STXBP5: variants seen among roughly 807,000 people sequenced by gnomAD.
STXBP5 encodes syntaxin binding protein 5.
A neutral mutation model predicts 152.4 loss-of-function variants in STXBP5; 50 were observed. The ratio of observed to expected loss-of-function variants is 0.33; its 90% CI spans 0.26 to 0.42. The LOEUF (loss-of-function observed/expected upper bound fraction) is 0.42. Among genes scored for constraint, STXBP5 ranks in the 10% least tolerant of loss-of-function variants. The pLI, the probability that STXBP5 is intolerant of heterozygous loss-of-function variation, is 1.00. For synonymous variants in STXBP5, 492 were observed against 494.7 expected, an observed-to-expected ratio of 0.99 and a Z score of 0.07; for missense variants, 1,167 against 1,388.6, an observed-to-expected ratio of 0.84 and a Z score of 2.54.
chr6:147,334,618 AGTT>A (rs1340840326), intron 19 of STXBP5, among the ~76,000 whole-genome samples: 5 of 152,090 alleles, frequency 3.3e-5, no homozygotes, highest in African/African-American at 1.2e-4. Context: ...ATTATAGACT[AGTT>A]GTATGTATTT....
chr6:147,314,022 C>T lies in STXBP5; in HGVS notation c.1284C>T (p.Tyr428=). 1.3e-6 allele frequency: 2 copies of T among 1,581,080 alleles called. No homozygotes were observed. Among genetic ancestry groups the T allele is most frequent in the Non-Finnish European group, 1.7e-6 (2 of 1,160,128 alleles). ...SVGARQKRQG[Y]SKKEWPINGG... is the part of the protein sequence containing the mutation. The stretch of plus-strand genomic sequence containing the variant: ...GAGCTAGACAGAAACGTCAAGGTTA[C>T]AGCAAAAAGGTATTGAACATGAGCT... The change falls in exon 12 of 28, where the codon TAC becomes TAT. Residue 428 remains tyrosine, a synonymous_variant. Transcript: ENST00000321680.
At chr6:147,282,070 G>T (rs986391232) in intron 8 of STXBP5, among the ~76,000 whole-genome samples, 38 of 152,260 alleles carry the variant, frequency 2.5e-4, no homozygotes, top group African/African-American at 8.4e-4. Context: ...TAATCAAAAT[G>T]GAAGTGAAAT....
intron 9 of STXBP5, among the ~76,000 whole-genome samples, chr6:147,308,697 CACAT>C (rs1160546972): frequency 5.9e-5 from 9 of 152,104 alleles, no homozygotes; most frequent in African/African-American, 1.9e-4. Context: ...TGTACACAAG[CACAT>C]ACATCTATTG....
At chr6:147,267,952 A>G (rs990685583) in intron 7 of STXBP5, among the ~76,000 whole-genome samples, 2 of 152,180 alleles carry the variant, frequency 1.3e-5, no homozygotes, top group African/African-American at 4.8e-5. Context: ...TCACTTCAGT[A>G]AAGAGAACCT....
chr6:147,269,912 A>G (rs1201333235), intron 7 of STXBP5, among the ~76,000 whole-genome samples: 1 of 152,202 alleles, frequency 6.6e-6, no homozygotes, highest in East Asian at 1.9e-4. Context: ...AGCAATGACC[A>G]AAAGTTTCAA....
At chr6:147,354,623 A>C (rs562827104) in intron 22 of STXBP5, among the ~76,000 whole-genome samples, 7 of 152,282 alleles carry the variant, frequency 4.6e-5, no homozygotes. Flanking sequence ...TGTGTATTTT[A>C]GTTTCTTAAA....
At chr6:147,377,133 A>T (rs1346603055) in intron 26 of STXBP5, among the ~76,000 whole-genome samples, 1 of 152,200 alleles carries the variant, frequency 6.6e-6, no homozygotes, top group Non-Finnish European at 1.5e-5. Context: ...AAGAGTTAAA[A>T]TAACTTTAGT....
intron 9 of STXBP5, among the ~76,000 whole-genome samples, chr6:147,306,619 T>C (rs1782108518): frequency 6.6e-6 from 1 of 152,210 alleles, no homozygotes; most frequent in Non-Finnish European, 1.5e-5. Context: ...CATTATCATG[T>C]CCTGGCTTAC....
At chr6:147,247,926 C>T (rs1473376690) in intron 4 of STXBP5, among the ~76,000 whole-genome samples, 3 of 152,046 alleles carry the variant, frequency 2.0e-5, no homozygotes, top group Admixed American at 1.3e-4. Flanking sequence ...TATAAAAAGA[C>T]ATTAAAAGAT....
intron 4 of STXBP5, among the ~76,000 whole-genome samples, chr6:147,247,261 TC>T (rs1778855242): frequency 6.6e-6 from 1 of 152,222 alleles, no homozygotes; most frequent in Admixed American, 6.5e-5. Context: ...AAAATTCGTT[TC>T]TTTGAAAACA....
chr6:147,305,542 AT>A (rs1359794624), intron 9 of STXBP5, among the ~76,000 whole-genome samples: 4 of 152,164 alleles, frequency 2.6e-5, no homozygotes, highest in Admixed American at 2.6e-4. Context: ...ACCTATTTTA[AT>A]TGACATATAA....
At chr6:147,228,025 G>A (rs1419734692) in intron 2 of STXBP5, among the ~76,000 whole-genome samples, 1 of 152,022 alleles carries the variant, frequency 6.6e-6, no homozygotes, top group Non-Finnish European at 1.5e-5. Context: ...ATACCTCCTT[G>A]TTCTTCTCTA....
intron 9 of STXBP5, among the ~76,000 whole-genome samples, chr6:147,300,877 A>T (rs768100699): frequency 6.6e-6 from 1 of 152,056 alleles, no homozygotes; most frequent in Non-Finnish European, 1.5e-5. Context: ...AGTCTACAGA[A>T]TGAGAGAAAA....
At position 147,363,490 on chromosome 6, in the gene STXBP5, G is replaced by A. The variant is rs1205605302; in HGVS notation, c.2701G>A (p.Val901Ile). ...ATTGAAAAAACGGCGGCCTGTCTCA[G>A]TATCCCCCTCCTCTTCTCAGGAAAT... ...EKLKKRRPVSVSPSSSQEISE... is the reference protein window; with the variant it reads ...EKLKKRRPVSISPSSSQEISE... The change falls in exon 24 of 28, where the codon GTA becomes ATA. Residue 901 changes from valine (V) to isoleucine (I), a missense_variant. Physicochemically the swap from Val to Ile is conservative, Grantham distance 29. This residue lies in a region of STXBP5 where 833 missense variants were observed against 986.3 expected (regional missense o/e 0.84). Coordinates refer to ENST00000321680, the MANE Select transcript of STXBP5 (RefSeq NM_001127715.4). 1 of 1,614,116 alleles carries A rather than the reference G, an allele frequency of 6.2e-7. No homozygotes were observed. Among genetic ancestry groups the A allele is most frequent in the Non-Finnish European group, 8.5e-7 (1 of 1,180,030 alleles).
chr6:147,357,967 A>G (rs1186380083), intron 22 of STXBP5, among the ~76,000 whole-genome samples: 1 of 152,200 alleles, frequency 6.6e-6, no homozygotes, highest in Non-Finnish European at 1.5e-5. Context: ...GCTTGGGATT[A>G]GCAACAAGGG....
intron 4 of STXBP5, 24 bp downstream of exon 4, chr6:147,239,294 A>G (rs766697792): frequency 6.3e-7 from 1 of 1,582,206 alleles, no homozygotes; most frequent in East Asian, 2.2e-5. Flanking sequence ...CAGTTATCTT[A>G]TGTATAGGAT....
At chr6:147,227,483 G>C (rs1241660822) in intron 2 of STXBP5, among the ~76,000 whole-genome samples, 1 of 152,044 alleles carries the variant, frequency 6.6e-6, no homozygotes, top group Non-Finnish European at 1.5e-5. Context: ...ATTATCAGTT[G>C]ATTTCCTGCC....
chr6:147,298,284 C>T (rs1156242357), intron 9 of STXBP5, among the ~76,000 whole-genome samples: 1 of 151,934 alleles, frequency 6.6e-6, no homozygotes, highest in Non-Finnish European at 1.5e-5. Flanking sequence ...ATCAATTTAG[C>T]ATGAGGATTT....
At chr6:147,266,962 TG>T in intron 6 of STXBP5, 121 bp from the exon 7 acceptor site, 1 of 800,738 alleles carries the variant, frequency 1.2e-6, no homozygotes, top group Non-Finnish European at 2.1e-6. Context: ...TGCAGATGTT[TG>T]TTTATATTAT....
Sources: allele counts gnomAD v4.1 joint callset (sites outside exome capture counted in the v4.1 genomes callset), GRCh38; gene constraint gnomAD v4.1.1; regional missense constraint gnomAD v4.1.1; transcripts MANE v1.5; gene names NCBI Gene and HGNC (gene_info 2026-07-23, HGNC 2026-07-21).